LRRC15: variants seen among roughly 807,000 people sequenced by gnomAD.
The protein encoded by LRRC15 is leucine rich repeat containing 15, also known as leucine-rich repeat-containing protein 15.
LRRC15 carries 5 observed loss-of-function variants against 4.3 expected under a neutral mutation model. The observed-to-expected ratio is 1.16, with a 90% CI of 0.61 to 2.44. The LOEUF is 2.44. Among genes scored for constraint, LRRC15 ranks in the 30% most tolerant of loss-of-function variants. The pLI, the probability that LRRC15 is intolerant of heterozygous loss-of-function variation, is 0.01. For missense variants in LRRC15, 769 were observed against 747.0 expected (o/e 1.03, Z -0.34); for synonymous variants, 337 against 323.2 (o/e 1.04, Z -0.46).
intron 1 of LRRC15, among the ~76,000 whole-genome samples, chr3:194,368,581 A>C (rs1004411359): frequency 6.6e-6 from 1 of 152,184 alleles, no homozygotes; most frequent in Non-Finnish European, 1.5e-5. Flanking sequence ...TTAAGGAGCC[A>C]GTGGCAGCAA....
At chr3:194,365,807 C>A (rs1378684621) in intron 1 of LRRC15, among the ~76,000 whole-genome samples, 2 of 152,186 alleles carry the variant, frequency 1.3e-5, no homozygotes, top group Admixed American at 6.5e-5. Flanking sequence ...CCAGCCAGGG[C>A]AATCCCACTT....
Position 194,360,125 on chromosome 3 carries a change from A to G in LRRC15, c.919T>C (p.Ser307Pro). The G allele has an allele frequency of 1.9e-6, 3 of 1,614,158 alleles. No individual in the cohort carries two copies. The highest frequency in any genetic ancestry group is 2.5e-6 in the Non-Finnish European group (3 of 1,180,032). ...TTGCTGAAGACATTGTCGGGTAGAG[A>G]AGAGATGTGGTTGTCATAGAGCCAA... Reference protein sequence around the residue: ...ELWLYDNHISSLPDNVFSNLR... With the variant: ...ELWLYDNHISPLPDNVFSNLR... The change falls in exon 2 of 2, where the codon TCT (serine) becomes CCT (proline). Residue 307 changes from serine (S) to proline (P), a missense_variant. Coordinates refer to ENST00000347624, the MANE Select transcript of LRRC15 (RefSeq NM_130830.5).
At position 194,359,707 on chromosome 3, in the gene LRRC15, C is replaced by T. The variant is rs776336334; in HGVS notation, c.1337G>A (p.Gly446Glu). Residue 446 changes from glycine (G) to glutamate (E), a missense_variant, in exon 2 of 2, where the codon GGG (glycine) becomes GAG (glutamate). Physicochemically the swap from Gly to Glu is moderately conservative, Grantham distance 98. Coordinates refer to ENST00000347624, the MANE Select transcript of LRRC15 (RefSeq NM_130830.5). ...GAAACACACAGGTACAGTGTCCGTC[C>T]CTAACCTAGGCTGGTTGAGCAGGAG... The part of the protein sequence containing the change: ...NWLLLNQPRL[G>E]TDTVPVCFSP... 6.2e-7 allele frequency: 1 copy of T among 1,614,176 alleles called. No individual in the cohort carries two copies. The highest frequency in any genetic ancestry group is 8.5e-7 in the Non-Finnish European group (1 of 1,180,026).
At position 194,357,195 on chromosome 3, in the gene LRRC15, G is replaced by A. The variant is rs955716452; in HGVS notation, c.*2103C>T. On this transcript the variant is annotated 3_prime_UTR_variant, in exon 2 of 2. Coordinates refer to ENST00000347624, the MANE Select transcript of LRRC15 (RefSeq NM_130830.5). ...ACTGGAAGGGAAAACTGGTCAGCAC[G>A]TGCTCCTGTGGCCCTGGAGGATGTC... is the stretch of plus-strand genomic sequence containing the variant. 5 of 152,310 alleles carry A rather than the reference G, an allele frequency of 3.3e-5. No individual in the cohort carries two copies. In the East Asian group the frequency reaches 9.6e-4, roughly 29 times the overall value. 9.4% of individuals were successfully genotyped at this position (152,310 alleles called of 1,614,324 possible). A position where few individuals can be genotyped will look rare whatever the true frequency, so the allele number is the denominator to read the frequency against.
In LRRC15 at chr3:194,359,285, C is replaced by A; in HGVS notation, c.*13G>T. 6.5e-7 allele frequency: 1 copy of A among 1,539,798 alleles called. No homozygotes were observed. The highest frequency in any genetic ancestry group is 1.3e-5 in the South Asian group (1 of 78,338). On this transcript the variant is annotated 3_prime_UTR_variant, in exon 2 of 2. Transcript: ENST00000347624. ...AGTCCCATCATTCCCCAGCCCTGCTCCAGCCTGCCTCTTTAACACTCATTG... is the reference window on the plus strand; with the variant it reads ...AGTCCCATCATTCCCCAGCCCTGCTACAGCCTGCCTCTTTAACACTCATTG...
intron 1 of LRRC15, among the ~76,000 whole-genome samples, chr3:194,366,426 C>T (rs1184370134): frequency 6.6e-6 from 1 of 152,206 alleles, no homozygotes; most frequent in Admixed American, 6.5e-5. Flanking sequence ...GATCCTGATC[C>T]CTAGGTCTCA....
At position 194,359,984 on chromosome 3, in the gene LRRC15, G is replaced by C; in HGVS notation, c.1060C>G (p.Gln354Glu). Residue 354 changes from glutamine to glutamate, a missense_variant, in exon 2 of 2, where the codon CAG (glutamine) becomes GAG (glutamate). Physicochemically the swap from Gln to Glu is conservative, Grantham distance 29 (BLOSUM62 2). Transcript: ENST00000347624. ...CGGAAGACGTTCCCGTCCAGGTCCT[G>C]CAGTGCGTTGGTGTGGAGGGACAGC... is the stretch of plus-strand genomic sequence containing the variant. The part of the protein sequence containing the change: ...RELSLHTNAL[Q>E]DLDGNVFRML... 6.2e-7 allele frequency: 1 copy of C among 1,614,214 alleles called. No homozygotes were observed. Among genetic ancestry groups the C allele is most frequent in the Non-Finnish European group, 8.5e-7 (1 of 1,180,026 alleles).
Position 194,363,945 on chromosome 3 carries a change from C to G in LRRC15, c.-3-2899G>C, listed in dbSNP as rs538136865. On this transcript the variant is annotated intron_variant, in intron 1 of 1. Coordinates refer to ENST00000347624, the MANE Select transcript of LRRC15 (RefSeq NM_130830.5). ...TCCTAGCATCCCTGAAGGGCTGCCA[C>G]GGGATACAGAAAGAACCTAGCTCAG... Among the ~76,000 whole-genome samples, 21 of 152,284 alleles carry G rather than the reference C, an allele frequency of 1.4e-4. No homozygotes were observed. In the South Asian group the frequency reaches 4.1e-3, roughly 30 times the overall value.
intron 1 of LRRC15, chr3:194,363,449 G>A: frequency 3.1e-6 from 2 of 654,988 alleles, no homozygotes; most frequent in South Asian, 1.8e-5. Context: ...ACAAATGTCA[G>A]GTCCAGAACC....
intron 1 of LRRC15, among the ~76,000 whole-genome samples, chr3:194,362,356 C>CGCTGT (rs1473223720): frequency 6.6e-6 from 1 of 152,116 alleles, no homozygotes; most frequent in Non-Finnish European, 1.5e-5. Context: ...TCCCGGCCAG[C>CGCTGT]GCTGTGCAAA....
intron 1 of LRRC15, chr3:194,363,254 T>C: frequency 1.7e-6 from 1 of 582,656 alleles, no homozygotes; most frequent in Non-Finnish European, 3.1e-6. Flanking sequence ...CTTGATTTTT[T>C]TACTTGTTCA....
intron 1 of LRRC15, among the ~76,000 whole-genome samples, chr3:194,369,307 G>T (rs985357673): frequency 6.6e-6 from 1 of 152,208 alleles, no homozygotes; most frequent in Admixed American, 6.5e-5. Flanking sequence ...ATTCCAGAAC[G>T]GTCAATCCAG....
rs1387361478 is a variant in LRRC15 at position 194,360,318 on chromosome 3, G to A, written c.726C>T (p.His242=). 6.2e-7 allele frequency: 1 copy of A among 1,614,070 alleles called. No homozygotes were observed. Among genetic ancestry groups the A allele is most frequent in the African/African-American group, 1.3e-5 (1 of 74,930 alleles). The change falls in exon 2 of 2, where the codon CAC becomes CAT. Residue 242 remains histidine (H), a synonymous_variant. Coordinates refer to ENST00000347624, the MANE Select transcript of LRRC15 (RefSeq NM_130830.5). ...QIGLLSPGLF[H]NNHNLQRLYL... The stretch of plus-strand genomic sequence containing the variant: ...AGAGTCTCTGGAGGTTGTGGTTGTT[G>A]TGGAAGAGACCAGGGGAGAGCAGTC...
rs1029034431 is a variant in LRRC15, at chr3:194,360,059, T to A, written c.985A>T (p.Ile329Phe). 5 of 1,614,102 alleles carry A rather than the reference T, an allele frequency of 3.1e-6. No homozygotes were observed. In the African/African-American group the frequency reaches 6.7e-5, roughly 22 times the overall value. The change falls in exon 2 of 2, where the codon ATC becomes TTC. Residue 329 changes from isoleucine (I) to phenylalanine (F), a missense_variant. Coordinates refer to ENST00000347624, the MANE Select transcript of LRRC15 (RefSeq NM_130830.5). ...LQVLILSRNQ[I>F]SFISPGAFNG... is the part of the protein sequence containing the mutation. Reference sequence around the variant, plus strand: ...AAGGCACCCGGGGAGATGAAGCTGATCTGATTGCGGCTAAGAATCAGGACC... The same window carrying A: ...AAGGCACCCGGGGAGATGAAGCTGAACTGATTGCGGCTAAGAATCAGGACC...
intron 1 of LRRC15, among the ~76,000 whole-genome samples, chr3:194,366,546 C>T (rs1007784544): frequency 1.3e-5 from 2 of 152,168 alleles, no homozygotes; most frequent in South Asian, 4.1e-4. Context: ...GCCGAGAACC[C>T]AGGCTCAGAC....
intron 1 of LRRC15, among the ~76,000 whole-genome samples, chr3:194,362,620 A>C (rs1446096522): frequency 6.6e-6 from 1 of 152,190 alleles, no homozygotes; most frequent in African/African-American, 2.4e-5. Flanking sequence ...CTGAGCTTAA[A>C]GCCCAGGTCT....
In LRRC15 at chr3:194,359,408, T is replaced by C; in HGVS notation, c.1636A>G (p.Ile546Val). The C allele has an allele frequency of 6.2e-7, 1 of 1,614,132 alleles. No individual in the cohort carries two copies. The highest frequency in any genetic ancestry group is 8.5e-7 in the Non-Finnish European group (1 of 1,180,032). ...QSGLAIAAIV[I>V]GIVALACSLA... ...GAGCAGGCCAGGGCGACAATGCCAATTACAATGGCGGCAATGGCCAGCCCG... is the reference window on the plus strand; with the variant it reads ...GAGCAGGCCAGGGCGACAATGCCAACTACAATGGCGGCAATGGCCAGCCCG... The change falls in exon 2 of 2, where the codon ATT (isoleucine) becomes GTT (valine). Residue 546 changes from isoleucine to valine, a missense_variant. By Grantham distance (29) the Ile-to-Val change is conservative (BLOSUM62 3). Coordinates refer to ENST00000347624, the MANE Select transcript of LRRC15 (RefSeq NM_130830.5).
intron 1 of LRRC15, among the ~76,000 whole-genome samples, chr3:194,362,008 T>G (rs1182336894): frequency 6.6e-6 from 1 of 152,184 alleles, no homozygotes; most frequent in African/African-American, 2.4e-5. Flanking sequence ...CCAGGAAACC[T>G]ACTGAGATGT....
chr3:194,360,833 AC>A lies in LRRC15; in HGVS notation c.210del (p.Glu70AspfsTer13), dbSNP rs1246535376. 1 of 1,613,668 alleles carries A rather than the reference AC, an allele frequency of 6.2e-7. No homozygotes were observed. Among genetic ancestry groups the A allele is most frequent in the Non-Finnish European group, 8.5e-7 (1 of 1,179,886 alleles). ...AGGGCTGAGATATTGAGGAACGGGG[AC>A]TCATTGAGTTCAGTGATGTGCGTGT... ...ILNTHITELN[E>X]SPFLNISALI... On this transcript the variant is annotated frameshift_variant, in exon 2 of 2. Transcript: ENST00000347624. LOFTEE classifies it low-confidence loss of function (END_TRUNC).
Sources: allele counts gnomAD v4.1 joint callset (sites outside exome capture counted in the v4.1 genomes callset), GRCh38; gene constraint gnomAD v4.1.1; transcripts MANE v1.5; gene names NCBI Gene and HGNC (gene_info 2026-07-23, HGNC 2026-07-21).